GADL1: variants seen among roughly 807,000 people sequenced by gnomAD.
The protein encoded by GADL1 is acidic amino acid decarboxylase GADL1.
Under a neutral mutation model 69.5 loss-of-function variants are expected in GADL1, and 71 were observed. The ratio of observed to expected loss-of-function variants is 1.02; its 90% CI spans 0.84 to 1.25. GADL1 has a LOEUF of 1.25. Among genes scored for constraint, GADL1 ranks in the 50% most tolerant of loss-of-function variants. GADL1 has a pLI of 0.00. For missense variants in GADL1, 737 were observed against 631.8 expected (o/e 1.17, Z -1.79); for synonymous variants, 254 against 214.4 (o/e 1.18, Z -1.62).
intron 8 of GADL1, among the ~76,000 whole-genome samples, chr3:30,839,514 C>CAAAAAAAAAAAAAAAAAAAAAAAAAA (rs764490080): frequency 9.5e-6 from 1 of 105,678 alleles, no homozygotes; most frequent in Non-Finnish European, 1.7e-5. Flanking sequence ...GTCATCTTCT[C>CAAAAAAAAAAAAAAAAAAAAAAAAAA]AAAAAAAAAA....
At chr3:30,768,861 AGT>A (rs1168044934) in intron 14 of GADL1, among the ~76,000 whole-genome samples, 1 of 152,156 alleles carries the variant, frequency 6.6e-6, no homozygotes, top group African/African-American at 2.4e-5. Context: ...CTCCGCATTT[AGT>A]GTGTCATTTT....
intron 14 of GADL1, among the ~76,000 whole-genome samples, chr3:30,776,952 ATTG>A (rs1696554809): frequency 6.6e-6 from 1 of 152,184 alleles, no homozygotes; most frequent in Admixed American, 6.5e-5. Flanking sequence ...ACATCTGCTT[ATTG>A]TTAAAAACTC....
intron 14 of GADL1, among the ~76,000 whole-genome samples, chr3:30,754,011 T>C (rs1259158459): frequency 6.6e-6 from 1 of 152,206 alleles, no homozygotes; most frequent in African/African-American, 2.4e-5. Flanking sequence ...ACTGAGGTGG[T>C]GAGGGCTACT....
At chr3:30,776,431 C>T (rs1696537419) in intron 14 of GADL1, among the ~76,000 whole-genome samples, 1 of 152,196 alleles carries the variant, frequency 6.6e-6, no homozygotes. Flanking sequence ...TACTTAACAT[C>T]TGAAATGTAT....
intron 11 of GADL1, among the ~76,000 whole-genome samples, chr3:30,831,562 C>T (rs906484554): frequency 1.3e-5 from 2 of 151,832 alleles, no homozygotes; most frequent in Non-Finnish European, 2.9e-5. Context: ...TCAAAATTAC[C>T]CCAAACCAAG....
chr3:30,817,473 T>G (rs1697496093), intron 11 of GADL1, among the ~76,000 whole-genome samples: 1 of 152,206 alleles, frequency 6.6e-6, no homozygotes, highest in African/African-American at 2.4e-5. Flanking sequence ...AGATTTCAAT[T>G]GAACTTTTTA....
chr3:30,751,346 G>A lies in GADL1; in HGVS notation c.1393-22931C>T, dbSNP rs2292078. On this transcript the variant is annotated intron_variant, in intron 14 of 14. Coordinates refer to ENST00000282538, the MANE Select transcript of GADL1 (RefSeq NM_207359.3). The stretch of plus-strand genomic sequence containing the variant: ...TGGTAAGGAGACTCTTGAGCCGCTT[G>A]CTGGTGTTTGTTTCTATTCTGTGAG... Among the ~76,000 whole-genome samples, 1,122 of 152,098 alleles carry A rather than the reference G, an allele frequency of 7.4e-3. 42 individuals carry two copies. In the East Asian group the frequency reaches 0.095, roughly 13 times the overall value.
At chr3:30,815,133 A>G (rs959093550) in intron 11 of GADL1, among the ~76,000 whole-genome samples, 1 of 152,138 alleles carries the variant, frequency 6.6e-6, no homozygotes, top group African/African-American at 2.4e-5. Context: ...AGAGAATGGC[A>G]TTTGAAAATC....
At chr3:30,822,343 C>T (rs1052420667) in intron 11 of GADL1, among the ~76,000 whole-genome samples, 1 of 151,994 alleles carries the variant, frequency 6.6e-6, no homozygotes, top group Admixed American at 6.6e-5. Context: ...AGGAAAGCTT[C>T]TAAAAACATA....
chr3:30,858,468 G>T (rs1698261425), intron 2 of GADL1, among the ~76,000 whole-genome samples: 1 of 151,994 alleles, frequency 6.6e-6, no homozygotes, highest in African/African-American at 2.4e-5. Flanking sequence ...GACAGTCAAT[G>T]CTGTATTAAA....
intron 14 of GADL1, among the ~76,000 whole-genome samples, chr3:30,740,344 C>A (rs367902251): frequency 6.6e-6 from 1 of 152,140 alleles, no homozygotes; most frequent in Non-Finnish European, 1.5e-5. Context: ...GGAATTCCTA[C>A]ATGCCACGTC....
intron 14 of GADL1, among the ~76,000 whole-genome samples, chr3:30,761,174 C>T (rs1265828313): frequency 6.6e-6 from 1 of 152,232 alleles, no homozygotes; most frequent in East Asian, 1.9e-4. Context: ...AATAAAATTC[C>T]AGCTTTCCTC....
chr3:30,873,430 A>T (rs187090408), intron 1 of GADL1, among the ~76,000 whole-genome samples: 66 of 152,094 alleles, frequency 4.3e-4, no homozygotes, highest in African/African-American at 1.5e-3. Flanking sequence ...GCCAGAATTC[A>T]AAGCCAGGCA....
chr3:30,847,953 C>A (rs1698083869), intron 6 of GADL1, among the ~76,000 whole-genome samples: 1 of 152,102 alleles, frequency 6.6e-6, no homozygotes, highest in East Asian at 1.9e-4. Context: ...CAGAAAAGAA[C>A]TCCAGCAAGC....
At chr3:30,761,905 T>TTA (rs1223998467) in intron 14 of GADL1, among the ~76,000 whole-genome samples, 1 of 152,148 alleles carries the variant, frequency 6.6e-6, no homozygotes, top group Non-Finnish European at 1.5e-5. Flanking sequence ...AATATGAAGT[T>TTA]TATATGCATG....
rs972551291 is a variant in GADL1, at chr3:30,727,255, A to G, written c.*987T>C. ...TTAGTCATAGACGAAAAAAAAGAAAACCTTCCAGTTGTCTACCAAGAAAAA... is the reference window on the plus strand; with the variant it reads ...TTAGTCATAGACGAAAAAAAAGAAAGCCTTCCAGTTGTCTACCAAGAAAAA... On this transcript the variant is annotated 3_prime_UTR_variant, in exon 15 of 15. Transcript: ENST00000282538. 6.6e-6 allele frequency: 1 copy of G among 150,634 alleles called. No homozygotes were observed. The highest frequency in any genetic ancestry group is 1.5e-5 in the Non-Finnish European group (1 of 67,716). The allele number at this position is 150,634 out of a possible 1,614,324, so 9.3% of individuals were successfully genotyped here.
At chr3:30,801,938 T>A (rs781193681) in intron 11 of GADL1, among the ~76,000 whole-genome samples, 15 of 152,188 alleles carry the variant, frequency 9.9e-5, no homozygotes, top group Non-Finnish European at 1.8e-4. Flanking sequence ...AACCACTACA[T>A]CCTGTCTCAT....
chr3:30,732,040 G>A (rs1415078071), intron 14 of GADL1, among the ~76,000 whole-genome samples: 1 of 152,056 alleles, frequency 6.6e-6, no homozygotes, highest in Non-Finnish European at 1.5e-5. Context: ...GGCAATTTAG[G>A]GACCAAGCAC....
In GADL1 at chr3:30,782,119, A is replaced by G. The variant is rs369016533; in HGVS notation, c.1303-3851T>C. 3.3e-5 allele frequency among the ~76,000 whole-genome samples: 5 copies of G among 152,306 alleles called. No homozygotes were observed. In the East Asian group the frequency reaches 9.7e-4, roughly 29 times the overall value. Reference sequence around the variant, plus strand: ...AAGAGAGGTGAAGCTAGAAACGAAGATGGGAGTCATGTCATGAAGGACTTC... The same window carrying G: ...AAGAGAGGTGAAGCTAGAAACGAAGGTGGGAGTCATGTCATGAAGGACTTC... On this transcript the variant is annotated intron_variant, in intron 13 of 14. Transcript: ENST00000282538.
Sources: allele counts gnomAD v4.1 joint callset (sites outside exome capture counted in the v4.1 genomes callset), GRCh38; gene constraint gnomAD v4.1.1; transcripts MANE v1.5; gene names NCBI Gene and HGNC (gene_info 2026-07-23, HGNC 2026-07-21).